TP63: variants seen among roughly 807,000 people sequenced by gnomAD.
TP63 encodes the protein tumor protein p63.
In TP63, 17 loss-of-function variants were observed where a neutral mutation model predicts 82.8. That is an observed-to-expected ratio of 0.21 (90% CI 0.14 to 0.31). The LOEUF (loss-of-function observed/expected upper bound fraction) is 0.31, where lower values mean the gene tolerates loss of function less well. TP63 is among the 10% of genes least tolerant of loss of function. The pLI, the probability that TP63 is intolerant of heterozygous loss-of-function variation, is 1.00. For missense variants in TP63, 648 were observed against 895.3 expected (o/e 0.72, Z 3.52); for synonymous variants, 330 against 321.7 (o/e 1.03, Z -0.28).
At chr3:189,652,894 T>C (rs1713016258) in intron 1 of TP63, among the ~76,000 whole-genome samples, 1 of 146,938 alleles carries the variant, frequency 6.8e-6, no homozygotes, top group Non-Finnish European at 1.5e-5. Context: ...ATATGTTTGC[T>C]TCTCCTACTG....
intron 10 of TP63, among the ~76,000 whole-genome samples, chr3:189,875,927 C>T (rs1283181777): frequency 6.6e-6 from 1 of 151,862 alleles, no homozygotes; most frequent in Non-Finnish European, 1.5e-5. Context: ...ACGACACAAC[C>T]TCATTGTCAG....
chr3:189,703,299 G>A (rs1355727169), intron 1 of TP63, among the ~76,000 whole-genome samples: 2 of 152,136 alleles, frequency 1.3e-5, no homozygotes. Context: ...CTGGTCGTGG[G>A]GGCATGCGCC....
At chr3:189,683,897 C>T (rs145700109) in intron 1 of TP63, among the ~76,000 whole-genome samples, 2 of 152,310 alleles carry the variant, frequency 1.3e-5, no homozygotes, top group East Asian at 3.9e-4. Context: ...AGGAAATTTG[C>T]AGCATTCAGA....
chr3:189,802,009 C>G (rs1012187361), intron 3 of TP63, among the ~76,000 whole-genome samples: 10 of 152,174 alleles, frequency 6.6e-5, no homozygotes, highest in African/African-American at 2.4e-4. Flanking sequence ...CGTTTGAATA[C>G]CAATATATTT....
intron 11 of TP63, among the ~76,000 whole-genome samples, chr3:189,888,824 A>C (rs1720723651): frequency 6.6e-6 from 1 of 152,218 alleles, no homozygotes; most frequent in African/African-American, 2.4e-5. Flanking sequence ...TAAATATTGA[A>C]GTCAGTCTCC....
chr3:189,597,802 C>T, the TP63 span, among the ~76,000 whole-genome samples: 1 of 151,960 alleles, frequency 6.6e-6, no homozygotes, highest in Non-Finnish European at 1.5e-5. Flanking sequence ...GTGGCTCACA[C>T]TTGTAGTCCC....
chr3:189,715,496 C>T (rs1474249508), intron 1 of TP63, among the ~76,000 whole-genome samples: 1 of 152,088 alleles, frequency 6.6e-6, no homozygotes, highest in African/African-American at 2.4e-5. Context: ...TTGATATAAA[C>T]ATTAAGACCT....
At chr3:189,695,419 T>A (rs1320911545) in intron 1 of TP63, among the ~76,000 whole-genome samples, 1 of 152,196 alleles carries the variant, frequency 6.6e-6, no homozygotes, top group African/African-American at 2.4e-5. Context: ...TCATCTTATA[T>A]ATGTCCTGCT....
chr3:189,641,108 G>A (rs1467003157), intron 1 of TP63, among the ~76,000 whole-genome samples: 1 of 152,042 alleles, frequency 6.6e-6, no homozygotes, highest in African/African-American at 2.4e-5. Context: ...TAGGAGAAGG[G>A]AAATAGTTCA....
chr3:189,867,108 G>A (rs1027165141), intron 6 of TP63, among the ~76,000 whole-genome samples: 31 of 152,114 alleles, frequency 2.0e-4, no homozygotes, highest in African/African-American at 7.2e-4. Flanking sequence ...GCAGTTGGAC[G>A]GGTAGTGGAT....
chr3:189,884,531 C>A (rs1429423860), intron 10 of TP63, among the ~76,000 whole-genome samples: 1 of 152,222 alleles, frequency 6.6e-6, no homozygotes, highest in Non-Finnish European at 1.5e-5. Context: ...TAATTTCTGT[C>A]CATCTCTGCC....
intron 3 of TP63, among the ~76,000 whole-genome samples, chr3:189,807,485 G>C (rs1298470539): frequency 6.6e-6 from 1 of 152,166 alleles, no homozygotes; most frequent in Admixed American, 6.5e-5. Context: ...GGAAATACAT[G>C]AGCTAATGTA....
chr3:189,741,157 G>A (rs969459937), intron 3 of TP63, among the ~76,000 whole-genome samples: 4 of 149,930 alleles, frequency 2.7e-5, no homozygotes, highest in South Asian at 4.2e-4. Flanking sequence ...GAGTGAGAAA[G>A]AATTTAACTG....
chr3:189,788,105 A>T lies in TP63; in HGVS notation c.325-20167A>T, dbSNP rs141755188. On this transcript the variant is annotated intron_variant, in intron 3 of 13. Coordinates refer to ENST00000264731, the MANE Select transcript of TP63 (RefSeq NM_003722.5). Reference sequence around the variant, plus strand: ...GTAGGTTTTTTTTTTTTTGCCTTCTAGGCAGTGCTCATTTGGTTAATTATA... The same window carrying T: ...GTAGGTTTTTTTTTTTTTGCCTTCTTGGCAGTGCTCATTTGGTTAATTATA... Among the ~76,000 whole-genome samples, 50 of 146,942 alleles carry T rather than the reference A, an allele frequency of 3.4e-4. No homozygotes were observed. The East Asian group carries it at 9.6e-3, about 28-fold the overall frequency.
chr3:189,743,171 G>C (rs1027411376), intron 3 of TP63, among the ~76,000 whole-genome samples: 15 of 151,984 alleles, frequency 9.9e-5, no homozygotes, highest in Non-Finnish European at 1.6e-4. Flanking sequence ...AAAGATATAG[G>C]TAATTCACAA....
At chr3:189,662,012 T>C (rs1713928090) in intron 1 of TP63, among the ~76,000 whole-genome samples, 1 of 151,958 alleles carries the variant, frequency 6.6e-6, no homozygotes, top group Admixed American at 6.6e-5. Context: ...TTTCAAAAAA[T>C]AATTTTTGGT....
rs1361712561 is a variant in TP63, at chr3:189,645,630, A to G, written c.62+14053A>G. Among the ~76,000 whole-genome samples the G allele has an allele frequency of 2.0e-5, 3 of 148,094 alleles. 1 individual carries two copies. The highest frequency in any genetic ancestry group is 4.4e-5 in the Non-Finnish European group (3 of 67,422). The stretch of plus-strand genomic sequence containing the variant: ...ATTAACTTGTCATTTAGCGTTAGGT[A>G]TATCTCCTAATGCTATCCCTCCCCA... On this transcript the variant is annotated intron_variant, in intron 1 of 13. Transcript: ENST00000264731.
At chr3:189,706,113 G>A (rs1253840614) in intron 1 of TP63, among the ~76,000 whole-genome samples, 9 of 151,642 alleles carry the variant, frequency 5.9e-5, no homozygotes, top group African/African-American at 9.7e-5. Context: ...ATCTATAATC[G>A]CCCCCTGGTT....
chr3:189,809,052 G>C (rs1246068337), intron 4 of TP63, among the ~76,000 whole-genome samples: 4 of 151,948 alleles, frequency 2.6e-5, no homozygotes, highest in African/African-American at 7.3e-5. Context: ...TAATTTATCA[G>C]TAAATTGTAT....
Sources: allele counts gnomAD v4.1 joint callset (sites outside exome capture counted in the v4.1 genomes callset), GRCh38; gene constraint gnomAD v4.1.1; transcripts MANE v1.5; gene names NCBI Gene and HGNC (gene_info 2026-07-23, HGNC 2026-07-21).